The following UBE2D4 variants were observed in gnomAD, a reference collection of about 807,000 sequenced individuals.
The protein encoded by UBE2D4 is ubiquitin-conjugating enzyme E2 D4.
In UBE2D4, 17 loss-of-function variants were observed where a neutral mutation model predicts 23.0. The observed-to-expected ratio is 0.74, with a 90% CI of 0.51 to 1.11. The LOEUF is 1.11. Among genes scored for constraint, UBE2D4 ranks in the 50% least tolerant of loss-of-function variants. The pLI, the probability that UBE2D4 is intolerant of heterozygous loss-of-function variation, is 0.00. For synonymous variants in UBE2D4, 61 were observed against 69.4 expected, an observed-to-expected ratio of 0.88 and a Z score of 0.60; for missense variants, 139 against 181.8, an observed-to-expected ratio of 0.76 and a Z score of 1.35.
intron 4 of UBE2D4, chr7:43,943,880 G>T (rs1418470634): frequency 6.6e-6 from 1 of 152,596 alleles, no homozygotes; most frequent in African/African-American, 2.4e-5. Flanking sequence ...CATTTAGCAT[G>T]TGAGCTACTC....
chr7:43,938,827 C>G (rs183936625), intron 2 of UBE2D4, among the ~76,000 whole-genome samples: 1 of 152,352 alleles, frequency 6.6e-6, no homozygotes, highest in East Asian at 1.9e-4. Flanking sequence ...CAGACTCTGT[C>G]TGAAAAACAA....
intron 1 of UBE2D4, among the ~76,000 whole-genome samples, chr7:43,933,028 ATACACATATGTATGTGTG>A (rs1336838077): frequency 6.9e-5 from 10 of 145,924 alleles, no homozygotes; most frequent in South Asian, 2.1e-4. Flanking sequence ...ACACATATAT[ATACACATATGTATGTGTG>A]TATATATATA....
At chr7:43,945,759 CGGAGGA>C (rs1310732765) in intron 4 of UBE2D4, among the ~76,000 whole-genome samples, 3 of 146,208 alleles carry the variant, frequency 2.1e-5, no homozygotes, top group African/African-American at 5.0e-5. Context: ...TCAAAGCTAG[CGGAGGA>C]GGCAAAATCC....
Position 43,930,979 on chromosome 7 carries a change from C to T in UBE2D4, c.24+4423C>T, listed in dbSNP as rs1038993943. Among the ~76,000 whole-genome samples, 3 of 151,968 alleles carry T rather than the reference C, an allele frequency of 2.0e-5. No homozygotes were observed. The South Asian group carries it at 6.2e-4, about 32-fold the overall frequency. On this transcript the variant is annotated intron_variant, in intron 1 of 6. Coordinates refer to ENST00000222402, the MANE Select transcript of UBE2D4 (RefSeq NM_015983.4). ...TATCCACTAAAAATACAAAAATTAG[C>T]TGGGTATGGTGGCATGTGCCTGTAA...
Position 43,951,206 on chromosome 7 carries a change from T to C in UBE2D4, c.398+514T>C, listed in dbSNP as rs562438177. ...TAGACCTTCATTGCCAGCTCTCTGT[T>C]TAAACACCAATTAACAGACCCAGAA... On this transcript the variant is annotated intron_variant, in intron 6 of 6. Transcript: ENST00000222402. Among the ~76,000 whole-genome samples the C allele has an allele frequency of 1.5e-4, 23 of 152,278 alleles. No homozygotes were observed. The South Asian group carries it at 4.8e-3, about 32-fold the overall frequency.
chr7:43,949,978 C>G (rs1489073332), intron 5 of UBE2D4, among the ~76,000 whole-genome samples: 1 of 152,158 alleles, frequency 6.6e-6, no homozygotes, highest in Non-Finnish European at 1.5e-5. Context: ...CCTCAGCCTC[C>G]TGAGTAGCTG....
chr7:43,927,921 T>C (rs1034708350), intron 1 of UBE2D4: 1 of 378,112 alleles, frequency 2.6e-6, no homozygotes, highest in Non-Finnish European at 5.3e-6. Context: ...TGTTACGAAC[T>C]GTGTATTAGT....
chr7:43,929,580 G>C (rs1421221480), intron 1 of UBE2D4, among the ~76,000 whole-genome samples: 1 of 152,086 alleles, frequency 6.6e-6, no homozygotes, highest in Non-Finnish European at 1.5e-5. Flanking sequence ...CTGCACTCCA[G>C]CCTGGGCAAC....
rs2096011576 is a variant in UBE2D4, at chr7:43,955,518, C to T, written c.*2823C>T. On this transcript the variant is annotated 3_prime_UTR_variant, in exon 7 of 7. Coordinates refer to ENST00000222402, the MANE Select transcript of UBE2D4 (RefSeq NM_015983.4). ...AATTAAAATGCCAGAATGCAAATGT[C>T]CAACAGGCCTGGTAGCTCACAGCTA... 2 of 152,194 alleles carry T rather than the reference C, an allele frequency of 1.3e-5. No individual in the cohort carries two copies. Among genetic ancestry groups the T allele is most frequent in the African/African-American group, 2.4e-5 (1 of 41,442 alleles). 9.4% of individuals were successfully genotyped at this position (152,194 alleles called of 1,614,324 possible). A position where few individuals can be genotyped will look rare whatever the true frequency, so the allele number is the denominator to read the frequency against.
rs1008289182 is a variant in UBE2D4 at position 43,953,306 on chromosome 7, A to C, written c.*611A>C. 2.4e-5 allele frequency: 10 copies of C among 418,544 alleles called. No homozygotes were observed. Among genetic ancestry groups the C allele is most frequent in the Non-Finnish European group, 4.3e-5 (9 of 211,482 alleles). 25.9% of individuals were successfully genotyped at this position (418,544 alleles called of 1,614,324 possible). ...GTGGCATTTCTCGCCTCACACCAAG[A>C]AGCAGCAAGTGGAAAATTTCAGGAT... On this transcript the variant is annotated 3_prime_UTR_variant, in exon 7 of 7. Transcript: ENST00000222402.
chr7:43,940,374 T>G (rs1403844501), intron 2 of UBE2D4, among the ~76,000 whole-genome samples: 1 of 152,228 alleles, frequency 6.6e-6, no homozygotes, highest in African/African-American at 2.4e-5. Flanking sequence ...CCCTCTTACC[T>G]GTCACTTAAG....
chr7:43,933,115 CTT>C (rs1217706334), intron 1 of UBE2D4, among the ~76,000 whole-genome samples: 2 of 144,292 alleles, frequency 1.4e-5, no homozygotes, highest in Admixed American at 7.0e-5. Context: ...AACATATATA[CTT>C]ATATGTGTGT....
At chr7:43,949,642 G>A (rs2095997025) in intron 5 of UBE2D4, among the ~76,000 whole-genome samples, 2 of 152,224 alleles carry the variant, frequency 1.3e-5, no homozygotes, top group African/African-American at 2.4e-5. Context: ...CATATGGTGA[G>A]TCGAAAGCAA....
intron 1 of UBE2D4, among the ~76,000 whole-genome samples, chr7:43,937,980 T>C (rs1478209042): frequency 1.3e-5 from 2 of 152,108 alleles, no homozygotes; most frequent in African/African-American, 4.8e-5. Context: ...TGGTGCTGCT[T>C]CCATGCATTA....
intron 4 of UBE2D4, 86 bp downstream of exon 4, chr7:43,943,117 G>T: frequency 6.6e-6 from 9 of 1,367,004 alleles, no homozygotes; most frequent in Non-Finnish European, 9.4e-6. Context: ...TAGGTAAAAA[G>T]AGCTGTACGT....
At chr7:43,936,157 A>G (rs1476897285) in intron 1 of UBE2D4, among the ~76,000 whole-genome samples, 2 of 152,184 alleles carry the variant, frequency 1.3e-5, no homozygotes, top group East Asian at 3.8e-4. Flanking sequence ...ACCGGCATGA[A>G]CCACTGTACA....
At chr7:43,945,973 G>A (rs1189280703) in intron 4 of UBE2D4, among the ~76,000 whole-genome samples, 4 of 151,772 alleles carry the variant, frequency 2.6e-5, no homozygotes, top group East Asian at 3.9e-4. Flanking sequence ...TAGTAGAGAC[G>A]AGGTTTCACC....
At chr7:43,928,304 G>C (rs781014714) in intron 1 of UBE2D4, among the ~76,000 whole-genome samples, 3 of 152,116 alleles carry the variant, frequency 2.0e-5, no homozygotes, top group East Asian at 3.9e-4. Flanking sequence ...ATGAGATTTG[G>C]GGGGGACAAA....
At chr7:43,952,481 G>A in intron 6 of UBE2D4, 169 bp from the exon 7 acceptor site, 1 of 649,166 alleles carries the variant, frequency 1.5e-6, no homozygotes, top group Non-Finnish European at 2.8e-6. Context: ...AGCCATGTCT[G>A]ATGTGCTCCT....
Sources: gnomAD v4.1 joint callset for allele counts (sites outside exome capture counted in the v4.1 genomes callset) on GRCh38, gnomAD v4.1.1 for gene constraint, MANE v1.5 for transcripts, NCBI Gene and HGNC (gene_info 2026-07-23, HGNC 2026-07-21) for gene names.